Variants in HTR2C observed in about 807,000 individuals in gnomAD.
The protein encoded by HTR2C is 5-hydroxytryptamine receptor 2C.
Under a neutral mutation model 21.0 loss-of-function variants are expected in HTR2C, and 5 were observed. That is an observed-to-expected ratio of 0.24 (90% CI 0.12 to 0.50). The LOEUF (loss-of-function observed/expected upper bound fraction) is 0.50, where lower values mean the gene tolerates loss of function less well. Among genes scored for constraint, HTR2C ranks in the 20% least tolerant of loss-of-function variants. The pLI is 0.98. For missense variants in HTR2C, 271 were observed against 371.2 expected, an observed-to-expected ratio of 0.73 and a Z score of 2.22; for synonymous variants, 150 against 145.3, an observed-to-expected ratio of 1.03 and a Z score of -0.23.
At chrX:114,690,941 T>C (rs1932089013) in intron 2 of HTR2C, among the ~76,000 whole-genome samples, 1 of 111,337 alleles carries the variant, frequency 9.0e-6, no homozygotes, top group Non-Finnish European at 1.9e-5. Context: ...ATTAAACATA[T>C]ATTCCTTCCA....
chrX:114,854,253 T>C (rs1234433364), intron 5 of HTR2C, among the ~76,000 whole-genome samples: 1 of 111,574 alleles, frequency 9.0e-6, no homozygotes, highest in African/African-American at 3.2e-5. Flanking sequence ...TTAATGTCTT[T>C]GAAATTAAAA....
intron 4 of HTR2C, among the ~76,000 whole-genome samples, chrX:114,741,374 C>G (rs1360935082): frequency 1.9e-5 from 2 of 103,641 alleles, no homozygotes; most frequent in African/African-American, 3.5e-5. Flanking sequence ...TAAAAATTAG[C>G]CAGGCGTGGT....
At chrX:114,608,611 A>C (rs1434168071) in intron 1 of HTR2C, among the ~76,000 whole-genome samples, 2 of 111,849 alleles carry the variant, frequency 1.8e-5, no homozygotes, top group Non-Finnish European at 3.8e-5. Context: ...TATTTGGCTA[A>C]GTTCTTAATT....
intron 4 of HTR2C, among the ~76,000 whole-genome samples, chrX:114,742,709 C>CTG (rs1302001932): frequency 2.4e-5 from 1 of 42,054 alleles, no homozygotes; most frequent in Non-Finnish European, 4.9e-5. Flanking sequence ...AAAGCAGCTA[C>CTG]TGTTTTTTTT....
chrX:114,666,128 A>G (rs12844109), intron 2 of HTR2C, among the ~76,000 whole-genome samples: 16,909 of 111,350 alleles, frequency 0.15, 928 homozygotes, highest in South Asian at 0.31. Flanking sequence ...GTGCCTTCTC[A>G]CTTCGTGCTG....
chrX:114,801,727 A>T (rs1602802014), intron 4 of HTR2C, among the ~76,000 whole-genome samples: 2 of 111,080 alleles, frequency 1.8e-5, no homozygotes, highest in South Asian at 7.5e-4. Context: ...TGTACATGAG[A>T]TCTTTTGATA....
intron 5 of HTR2C, among the ~76,000 whole-genome samples, chrX:114,851,575 C>T (rs2070918183): frequency 9.0e-6 from 1 of 111,153 alleles, no homozygotes; most frequent in South Asian, 3.8e-4. Flanking sequence ...GTTTTCCCTC[C>T]AAGTCTTTGT....
chrX:114,675,592 C>A (rs1160211665), intron 2 of HTR2C, among the ~76,000 whole-genome samples: 1 of 111,819 alleles, frequency 8.9e-6, no homozygotes, highest in East Asian at 2.8e-4. Context: ...TATGTTCTCG[C>A]CTTGACATTT....
At chrX:114,884,957 A>G (rs1048099074) in intron 5 of HTR2C, among the ~76,000 whole-genome samples, 3 of 110,772 alleles carry the variant, frequency 2.7e-5, no homozygotes, top group Admixed American at 9.7e-5. Flanking sequence ...GATATAGCAT[A>G]TAATCCAGCC....
intron 4 of HTR2C, among the ~76,000 whole-genome samples, chrX:114,740,959 G>C (rs782320691): frequency 2.7e-5 from 3 of 111,464 alleles, no homozygotes; most frequent in African/African-American, 9.8e-5. Context: ...TTAAAAATTC[G>C]AAAGGGGGAA....
chrX:114,905,640 A>G (rs1349398034), intron 5 of HTR2C, among the ~76,000 whole-genome samples: 1 of 111,772 alleles, frequency 8.9e-6, no homozygotes, highest in East Asian at 2.8e-4. Flanking sequence ...TGAACTTCCC[A>G]GGCTTCGACT....
At chrX:114,777,372 G>A (rs1337075512) in intron 4 of HTR2C, among the ~76,000 whole-genome samples, 1 of 111,551 alleles carries the variant, frequency 9.0e-6, no homozygotes. Context: ...ATTGCACTTG[G>A]CATTATGGAA....
intron 4 of HTR2C, among the ~76,000 whole-genome samples, chrX:114,807,950 C>T (rs932075818): frequency 8.1e-5 from 9 of 111,657 alleles, no homozygotes; most frequent in South Asian, 3.7e-4. Flanking sequence ...GGATTACAGG[C>T]GTGAGCCACC....
intron 4 of HTR2C, among the ~76,000 whole-genome samples, chrX:114,836,287 G>A (rs1488789646): frequency 5.4e-5 from 6 of 111,374 alleles, no homozygotes; most frequent in Non-Finnish European, 9.5e-5. Context: ...GGGCAATGGC[G>A]GGCGCCCCTC....
At chrX:114,718,981 TAATATA>T (rs1354960885) in intron 2 of HTR2C, among the ~76,000 whole-genome samples, 4 of 32,448 alleles carry the variant, frequency 1.2e-4, no homozygotes, top group East Asian at 9.7e-3. Flanking sequence ...TTAATATATA[TAATATA>T]ATAATATAAT....
chrX:114,688,401 G>A (rs1245409536), intron 2 of HTR2C, among the ~76,000 whole-genome samples: 1 of 110,328 alleles, frequency 9.1e-6, no homozygotes, highest in Non-Finnish European at 1.9e-5. Context: ...TGTAGCAATT[G>A]TCCTACAGCG....
rs147463893 is a variant in HTR2C at position 114,674,832 on chromosome X, C to T, written c.-79-52026C>T. On this transcript the variant is annotated intron_variant, in intron 2 of 5. Coordinates refer to ENST00000276198, the MANE Select transcript of HTR2C (RefSeq NM_000868.4). ...CAGTTTTAGAATCCATGTTTTCTGCCTCTAAACTCTATACTGTCTCCAGAT... is the reference window on the plus strand; with the variant it reads ...CAGTTTTAGAATCCATGTTTTCTGCTTCTAAACTCTATACTGTCTCCAGAT... Among the ~76,000 whole-genome samples the T allele has an allele frequency of 4.6e-3, 510 of 111,586 alleles. 3 individuals carry two copies. Among genetic ancestry groups the T allele is most frequent in the African/African-American group, 0.016 (488 of 30,811 alleles).
intron 4 of HTR2C, among the ~76,000 whole-genome samples, chrX:114,819,790 A>C (rs2070615667): frequency 8.9e-6 from 1 of 112,283 alleles, no homozygotes; most frequent in Non-Finnish European, 1.9e-5. Context: ...TGGAACTGAA[A>C]ATTGTTTTAA....
intron 1 of HTR2C, among the ~76,000 whole-genome samples, chrX:114,596,749 T>C (rs1927864747): frequency 8.9e-6 from 1 of 112,043 alleles, no homozygotes; most frequent in South Asian, 3.7e-4. Context: ...CTAGATACCT[T>C]ATCACTATCT....
Sources: allele counts gnomAD v4.1 joint callset (sites outside exome capture counted in the v4.1 genomes callset), GRCh38; gene constraint gnomAD v4.1.1; transcripts MANE v1.5; gene names NCBI Gene and HGNC (gene_info 2026-07-23, HGNC 2026-07-21).